SASH1: variants seen among roughly 807,000 people sequenced by gnomAD.
The protein encoded by SASH1 is SAM and SH3 domain-containing protein 1.
SASH1 carries 44 observed loss-of-function variants against 125.2 expected under a neutral mutation model. That is an observed-to-expected ratio of 0.35 (90% confidence interval 0.28 to 0.45). The LOEUF is 0.45. Ranked by LOEUF, SASH1 falls within the 20% of genes least tolerant of loss-of-function variation. SASH1 has a pLI of 1.00. For synonymous variants in SASH1, 639 were observed against 649.1 expected (o/e 0.98, Z 0.24); for missense variants, 1,426 against 1,614.5 (o/e 0.88, Z 2.00).
the SASH1 span, among the ~76,000 whole-genome samples, chr6:148,235,574 G>C: frequency 6.6e-6 from 1 of 152,110 alleles, no homozygotes; most frequent in Non-Finnish European, 1.5e-5. Context: ...CAGTTTCCAG[G>C]ATATAATAAC....
chr6:148,329,714 C>T (rs1307645553), intron 1 of SASH1, among the ~76,000 whole-genome samples: 1 of 152,076 alleles, frequency 6.6e-6, no homozygotes, highest in Non-Finnish European at 1.5e-5. Flanking sequence ...AGGAACATGG[C>T]CTTCAACAAC....
upstream of SASH1, among the ~76,000 whole-genome samples, chr6:148,270,134 A>ACTTGTC (rs1321878053): frequency 6.6e-6 from 1 of 152,246 alleles, no homozygotes; most frequent in African/African-American, 2.4e-5. Context: ...GGATGGACAG[A>ACTTGTC]CTAAGACCTT....
At chr6:148,367,919 C>T (rs1419005688) in intron 1 of SASH1, among the ~76,000 whole-genome samples, 3 of 152,140 alleles carry the variant, frequency 2.0e-5, no homozygotes, top group South Asian at 2.1e-4. Context: ...TTCAGGGCTG[C>T]GGGGTCTACC....
intron 10 of SASH1, among the ~76,000 whole-genome samples, chr6:148,524,123 T>TATA (rs1562482147): frequency 9.8e-5 from 12 of 121,860 alleles, no homozygotes; most frequent in East Asian, 4.6e-4. Context: ...ATATATATAT[T>TATA]TTTTTTAATG....
At chr6:148,378,835 A>G (rs2114776564) in intron 1 of SASH1, among the ~76,000 whole-genome samples, 1 of 152,346 alleles carries the variant, frequency 6.6e-6, no homozygotes, top group East Asian at 1.9e-4. Flanking sequence ...GGCAGACACC[A>G]TGCTAATGGT....
chr6:148,326,233 G>A (rs771968089), intron 1 of SASH1, among the ~76,000 whole-genome samples: 131 of 143,482 alleles, frequency 9.1e-4, no homozygotes, highest in Non-Finnish European at 1.8e-3. Flanking sequence ...TCACCATGCC[G>A]ACAAGGCTGG....
At position 148,529,583 on chromosome 6, in the gene SASH1, T is replaced by C. The variant is rs1043928095; in HGVS notation, c.1429-1943T>C. 3.3e-5 allele frequency among the ~76,000 whole-genome samples: 5 copies of C among 149,970 alleles called. No individual in the cohort carries two copies. In the South Asian group the frequency reaches 6.3e-4, roughly 19 times the overall value. Reference sequence around the variant, plus strand: ...AACAGCCACTAAAACTCTTAAGCTTTACGTTCACAGAGGTTTTCTGCTTTA... The same window carrying C: ...AACAGCCACTAAAACTCTTAAGCTTCACGTTCACAGAGGTTTTCTGCTTTA... On this transcript the variant is annotated intron_variant, in intron 12 of 19. Coordinates refer to ENST00000367467, the MANE Select transcript of SASH1 (RefSeq NM_015278.5). This position sits in a 1 kb window ranked among gnomAD's most constrained non-coding sequence, Gnocchi z 4.2.
intron 4 of SASH1, among the ~76,000 whole-genome samples, chr6:148,452,669 G>A (rs1455561478): frequency 1.3e-5 from 2 of 151,362 alleles, no homozygotes; most frequent in Non-Finnish European, 2.9e-5. Flanking sequence ...ACACTGCCTG[G>A]CACGCGATAG....
At chr6:148,368,344 C>T (rs1413256055) in intron 1 of SASH1, among the ~76,000 whole-genome samples, 1 of 152,208 alleles carries the variant, frequency 6.6e-6, no homozygotes. Flanking sequence ...GATCTCGACT[C>T]ACTGTAACCT....
upstream of SASH1, among the ~76,000 whole-genome samples, chr6:148,340,522 T>A (rs1194208139): frequency 1.3e-5 from 2 of 150,682 alleles, no homozygotes; most frequent in Non-Finnish European, 3.0e-5. Context: ...ACGTGGTGAA[T>A]AAATTCAAAT....
intron 2 of SASH1, among the ~76,000 whole-genome samples, chr6:148,411,336 A>G (rs1196782742): frequency 1.3e-5 from 2 of 152,196 alleles, no homozygotes; most frequent in Non-Finnish European, 2.9e-5. Context: ...GAAATACAAT[A>G]TAAAAATATT....
chr6:148,411,031 T>C (rs1288820466), intron 2 of SASH1, among the ~76,000 whole-genome samples: 1 of 152,024 alleles, frequency 6.6e-6, no homozygotes, highest in Non-Finnish European at 1.5e-5. Context: ...TGGTGGCGCA[T>C]GCCTGTAGTC....
chr6:148,330,068 A>T (rs534133907), intron 1 of SASH1, among the ~76,000 whole-genome samples: 13 of 152,346 alleles, frequency 8.5e-5, no homozygotes, highest in African/African-American at 3.1e-4. Flanking sequence ...TCTGTGACTT[A>T]AAAAATGAGT....
chr6:148,447,669 G>GTCCTTCCTC (rs1458367852), intron 4 of SASH1, among the ~76,000 whole-genome samples: 12 of 112,022 alleles, frequency 1.1e-4, no homozygotes, highest in African/African-American at 3.8e-4. Flanking sequence ...TCTTCCTCTT[G>GTCCTTCCTC]TTCTTCCTCC....
intron 8 of SASH1, among the ~76,000 whole-genome samples, chr6:148,490,601 T>C (rs1390321092): frequency 2.0e-5 from 3 of 152,228 alleles, no homozygotes; most frequent in African/African-American, 7.2e-5. Context: ...TGTGTTTTGT[T>C]TTTTAGGTTA....
chr6:148,252,712 C>A, the SASH1 span, among the ~76,000 whole-genome samples: 1 of 152,174 alleles, frequency 6.6e-6, no homozygotes, highest in Non-Finnish European at 1.5e-5. Flanking sequence ...CTGCTGACCT[C>A]ACGTGATCCA....
intron 2 of SASH1, among the ~76,000 whole-genome samples, chr6:148,396,448 G>T (rs928765129): frequency 1.7e-5 from 2 of 120,876 alleles, no homozygotes; most frequent in African/African-American, 6.6e-5. Context: ...CTTTACTCCA[G>T]CCTGGGTGCC....
chr6:148,542,375 T>A (rs1782269547), intron 17 of SASH1, among the ~76,000 whole-genome samples: 2 of 152,190 alleles, frequency 1.3e-5, no homozygotes, highest in African/African-American at 4.8e-5. Context: ...TTTCTTCATT[T>A]ATCTGTGATG....
intron 1 of SASH1, among the ~76,000 whole-genome samples, chr6:148,284,109 T>C (rs1195201929): frequency 6.6e-6 from 1 of 152,090 alleles, no homozygotes; most frequent in East Asian, 1.9e-4. Context: ...CAAGAACTAA[T>C]AGGCAGGCTA....
Sources: allele counts gnomAD v4.1 joint callset (sites outside exome capture counted in the v4.1 genomes callset), GRCh38; gene constraint gnomAD v4.1.1; non-coding constraint Gnocchi (gnomAD v3.1); transcripts MANE v1.5; gene names NCBI Gene and HGNC (gene_info 2026-07-23, HGNC 2026-07-21).